Variants in TMEM117 observed in about 807,000 individuals in gnomAD.
The protein encoded by TMEM117 is transmembrane protein 117.
A neutral mutation model predicts 52.4 loss-of-function variants in TMEM117; 27 were observed. The observed-to-expected ratio is 0.51, with a 90% CI of 0.38 to 0.71. The LOEUF (loss-of-function observed/expected upper bound fraction) is 0.71. TMEM117 is among the 30% of genes least tolerant of loss of function. TMEM117 has a pLI of 0.00. For synonymous variants in TMEM117, 215 were observed against 206.3 expected (o/e 1.04, Z -0.36); for missense variants, 556 against 630.5 (o/e 0.88, Z 1.26).
chr12:44,271,619 T>C (rs549384026), intron 5 of TMEM117, among the ~76,000 whole-genome samples: 1 of 152,238 alleles, frequency 6.6e-6, no homozygotes, highest in South Asian at 2.1e-4. Flanking sequence ...GTTTAAGGTC[T>C]TAAAGATAAG....
the TMEM117 span, among the ~76,000 whole-genome samples, chr12:43,822,178 T>C: frequency 6.6e-6 from 1 of 152,216 alleles, no homozygotes; most frequent in Non-Finnish European, 1.5e-5. Context: ...CAAATGTGAG[T>C]TGACTTCAAT....
intron 5 of TMEM117, among the ~76,000 whole-genome samples, chr12:44,218,242 A>G (rs117158691): frequency 5.1e-4 from 78 of 152,070 alleles, no homozygotes; most frequent in Non-Finnish European, 8.2e-4. Context: ...AAAAACAAAA[A>G]ACTAGCAAAC....
intron 3 of TMEM117, among the ~76,000 whole-genome samples, chr12:44,114,257 A>G (rs1437761132): frequency 6.6e-6 from 1 of 152,146 alleles, no homozygotes. Flanking sequence ...AATAAGTTTA[A>G]ATTTTTATTT....
intron 3 of TMEM117, among the ~76,000 whole-genome samples, chr12:44,082,773 C>T (rs1246667903): frequency 6.6e-6 from 1 of 152,062 alleles, no homozygotes; most frequent in Non-Finnish European, 1.5e-5. Context: ...GGAATCAGAA[C>T]AATACTAGTA....
At chr12:43,870,735 A>G (rs1003785873) in intron 2 of TMEM117, among the ~76,000 whole-genome samples, 7 of 152,096 alleles carry the variant, frequency 4.6e-5, no homozygotes, top group Non-Finnish European at 7.4e-5. Flanking sequence ...TACTCCCACC[A>G]ACAGTGTAAA....
At chr12:43,813,231 G>GCTTTTTTTTTTTTTTTTTTTTT in the TMEM117 span, among the ~76,000 whole-genome samples, 30 of 62,664 alleles carry the variant, frequency 4.8e-4, 1 homozygote, top group African/African-American at 1.7e-3. Flanking sequence ...GTTTTCTCTT[G>GCTTTTTTTTTTTTTTTTTTTTT]TTTTTTTTTT....
At chr12:43,888,274 C>T (rs950360633) in intron 2 of TMEM117, among the ~76,000 whole-genome samples, 11 of 152,140 alleles carry the variant, frequency 7.2e-5, no homozygotes, top group African/African-American at 2.7e-4. Flanking sequence ...ATTCTAAAGG[C>T]TCAGTAAAGA....
At chr12:43,804,552 T>C in the TMEM117 span, 1 of 1,603,576 alleles carries the variant, frequency 6.2e-7, no homozygotes. Context: ...CTGGCAAAGA[T>C]CTCTTTAACA....
chr12:44,158,069 T>G lies in TMEM117; in HGVS notation c.510+14445T>G, dbSNP rs1176755481. On this transcript the variant is annotated intron_variant, in intron 4 of 7. Coordinates refer to ENST00000266534, the MANE Select transcript of TMEM117 (RefSeq NM_032256.3). ...GCAGATTTTATTAAAGTATGAATGC[T>G]ATATTCTCTAAAATGGATTATATGC... Among the ~76,000 whole-genome samples the G allele has an allele frequency of 2.6e-5, 4 of 152,168 alleles. No individual in the cohort carries two copies. In the East Asian group the frequency reaches 7.7e-4, roughly 29 times the overall value.
chr12:44,201,539 C>G (rs984854847), intron 4 of TMEM117, among the ~76,000 whole-genome samples: 3 of 152,094 alleles, frequency 2.0e-5, no homozygotes, highest in African/African-American at 7.2e-5. Flanking sequence ...AGTCAGTAAA[C>G]TTAGCAAAAT....
chr12:44,239,933 C>G (rs971464197), intron 5 of TMEM117, among the ~76,000 whole-genome samples: 5 of 151,860 alleles, frequency 3.3e-5, no homozygotes, highest in African/African-American at 9.7e-5. Flanking sequence ...CAAATAAATA[C>G]TGGTAATTTC....
chr12:44,269,136 A>G (rs1292252084), intron 5 of TMEM117, among the ~76,000 whole-genome samples: 2 of 151,960 alleles, frequency 1.3e-5, no homozygotes, highest in Admixed American at 6.6e-5. Flanking sequence ...TCCTTTCTCT[A>G]TTGTCTGACA....
At chr12:43,865,340 C>T (rs1943572295) in intron 2 of TMEM117, among the ~76,000 whole-genome samples, 1 of 152,066 alleles carries the variant, frequency 6.6e-6, no homozygotes, top group South Asian at 2.1e-4. Context: ...AGAAGGGTGC[C>T]CCTTAGAAAT....
intron 2 of TMEM117, among the ~76,000 whole-genome samples, chr12:43,853,434 C>A (rs1423634301): frequency 6.6e-6 from 1 of 152,154 alleles, no homozygotes; most frequent in Non-Finnish European, 1.5e-5. Flanking sequence ...TGCCACCATA[C>A]CCAGCTAATT....
chr12:44,054,521 C>G (rs73089761), intron 3 of TMEM117, among the ~76,000 whole-genome samples: 11,027 of 152,156 alleles, frequency 0.072, 520 homozygotes, highest in African/African-American at 0.12. Context: ...ACCCACATGG[C>G]ACATTTCAAA....
intron 6 of TMEM117, among the ~76,000 whole-genome samples, chr12:44,320,389 A>C (rs531661441): frequency 1.3e-5 from 2 of 152,184 alleles, no homozygotes; most frequent in Non-Finnish European, 2.9e-5. Context: ...ATTCCAAAGT[A>C]ATCTTTTTAA....
At chr12:44,029,447 C>T (rs974862346) in intron 3 of TMEM117, among the ~76,000 whole-genome samples, 2 of 152,160 alleles carry the variant, frequency 1.3e-5, no homozygotes, top group Non-Finnish European at 2.9e-5. Context: ...GAACTTTTTC[C>T]TCCCTAAATG....
intron 3 of TMEM117, among the ~76,000 whole-genome samples, chr12:44,011,861 A>G (rs1363695132): frequency 6.6e-6 from 1 of 152,218 alleles, no homozygotes; most frequent in African/African-American, 2.4e-5. Context: ...TGAGAAGACT[A>G]TTAAGTGACT....
intron 2 of TMEM117, among the ~76,000 whole-genome samples, chr12:43,850,821 G>A (rs1943294064): frequency 6.6e-6 from 1 of 152,078 alleles, no homozygotes; most frequent in Non-Finnish European, 1.5e-5. Context: ...ATTTTTAAAA[G>A]GACATATTTA....
Sources: allele counts gnomAD v4.1 joint callset (sites outside exome capture counted in the v4.1 genomes callset), GRCh38; gene constraint gnomAD v4.1.1; transcripts MANE v1.5; gene names NCBI Gene and HGNC (gene_info 2026-07-23, HGNC 2026-07-21).